GYS2: variants seen among roughly 807,000 people sequenced by gnomAD.
GYS2 encodes glycogen synthase 2, also known as glycogen [starch] synthase, liver.
In GYS2, 80 loss-of-function variants were observed where a neutral mutation model predicts 85.6. The ratio of observed to expected loss-of-function variants is 0.93; its 90% CI spans 0.78 to 1.13. GYS2 has a LOEUF of 1.13. Among genes scored for constraint, GYS2 ranks in the 50% most tolerant of loss-of-function variants. The probability of loss-of-function intolerance (pLI) is 0.00; values close to 1 mark genes in which losing one functional copy is unlikely to be tolerated. For missense variants in GYS2, 881 were observed against 854.9 expected (o/e 1.03, Z -0.38); for synonymous variants, 328 against 300.7 (o/e 1.09, Z -0.94).
At chr12:21,587,630 G>GT (rs1464219660) in intron 1 of GYS2, among the ~76,000 whole-genome samples, 7 of 151,916 alleles carry the variant, frequency 4.6e-5, no homozygotes, top group African/African-American at 7.3e-5. Context: ...ACAATTAAAC[G>GT]TTTTTTCCTT....
At chr12:21,602,955 A>G (rs2136940533) in intron 1 of GYS2, among the ~76,000 whole-genome samples, 1 of 152,186 alleles carries the variant, frequency 6.6e-6, no homozygotes, top group African/African-American at 2.4e-5. Flanking sequence ...TTCCAGTTTT[A>G]TCCACCAATA....
chr12:21,596,085 C>A (rs1436649122), intron 1 of GYS2, among the ~76,000 whole-genome samples: 2 of 151,952 alleles, frequency 1.3e-5, no homozygotes, highest in Non-Finnish European at 2.9e-5. Flanking sequence ...AGACCAATAA[C>A]AAGCAGTGAG....
chr12:21,551,260 T>G (rs945430304), intron 11 of GYS2, among the ~76,000 whole-genome samples: 7 of 150,106 alleles, frequency 4.7e-5, no homozygotes, highest in African/African-American at 1.7e-4. Flanking sequence ...AATAGACACT[T>G]TTCATGTTTA....
intron 1 of GYS2, among the ~76,000 whole-genome samples, chr12:21,592,722 T>C (rs574441082): frequency 2.6e-5 from 4 of 152,152 alleles, no homozygotes; most frequent in African/African-American, 7.2e-5. Context: ...CAGCATCAGA[T>C]AGATCATCTA....
chr12:21,604,392 A>G, intron 1 of GYS2, 80 bp downstream of exon 1: 1 of 869,138 alleles, frequency 1.2e-6, no homozygotes, highest in Non-Finnish European at 2.0e-6. Flanking sequence ...ATCACTAGAG[A>G]GTTATCTGTG....
At chr12:21,563,158 T>G (rs1254557213) in intron 6 of GYS2, 70 bp downstream of exon 6, 4 of 1,182,102 alleles carry the variant, frequency 3.4e-6, no homozygotes, top group Middle Eastern at 1.9e-4. Context: ...TTATTACAAT[T>G]CTGTTTTCTC....
intron 1 of GYS2, among the ~76,000 whole-genome samples, chr12:21,600,319 G>C (rs1056292432): frequency 6.6e-6 from 1 of 151,848 alleles, no homozygotes; most frequent in African/African-American, 2.4e-5. Flanking sequence ...GTAGAAACAG[G>C]GTCTCCCTAT....
At chr12:21,590,811 C>T (rs1944630109) in intron 1 of GYS2, among the ~76,000 whole-genome samples, 1 of 152,192 alleles carries the variant, frequency 6.6e-6, no homozygotes, top group African/African-American at 2.4e-5. Flanking sequence ...AGCACAACCT[C>T]ATCACCACCT....
In GYS2 at chr12:21,563,413, T is replaced by C. The variant is rs559550751; in HGVS notation, c.824-68A>G. ...AAGAGGGTACCATTGTAGAAAAAAGTATCTTTAAAACTATAAAGTTAGATG... is the reference window on the plus strand; with the variant it reads ...AAGAGGGTACCATTGTAGAAAAAAGCATCTTTAAAACTATAAAGTTAGATG... On this transcript the variant is annotated intron_variant, in intron 5 of 15. Transcript: ENST00000261195. 749 of 841,960 alleles carry C rather than the reference T, an allele frequency of 8.9e-4. 1 individual carries two copies. The highest frequency in any genetic ancestry group is 1.3e-3 in the Non-Finnish European group (633 of 479,616). 52.2% of individuals were successfully genotyped at this position (841,960 alleles called of 1,614,324 possible).
chr12:21,545,826 GA>G (rs1353612289), intron 12 of GYS2, among the ~76,000 whole-genome samples: 44 of 152,268 alleles, frequency 2.9e-4, no homozygotes, highest in Admixed American at 2.8e-3. Flanking sequence ...ACAAGAATGT[GA>G]AGAAGACTTT....
intron 2 of GYS2, among the ~76,000 whole-genome samples, chr12:21,577,827 C>CATATAAA (rs1944463705): frequency 6.6e-6 from 1 of 152,158 alleles, no homozygotes; most frequent in Admixed American, 6.5e-5. Flanking sequence ...CTTTTAAAGC[C>CATATAAA]TTATTCTTTA....
At chr12:21,552,881 A>C (rs1339315669) in intron 11 of GYS2, among the ~76,000 whole-genome samples, 2 of 152,172 alleles carry the variant, frequency 1.3e-5, no homozygotes, top group Non-Finnish European at 1.5e-5. Flanking sequence ...CGTCTTACCA[A>C]ATCCTGCAGG....
chr12:21,565,462 A>G (rs1944308129), intron 5 of GYS2, among the ~76,000 whole-genome samples: 1 of 136,186 alleles, frequency 7.3e-6, no homozygotes, highest in South Asian at 2.3e-4. Context: ...TATATAGGTT[A>G]TAGGTTTTAG....
At chr12:21,600,205 C>T (rs1944740302) in intron 1 of GYS2, among the ~76,000 whole-genome samples, 1 of 152,154 alleles carries the variant, frequency 6.6e-6, no homozygotes, top group Non-Finnish European at 1.5e-5. Context: ...TGAAGCCTCA[C>T]TAGAACGCCT....
chr12:21,568,128 C>T lies in GYS2; in HGVS notation c.823+737G>A, dbSNP rs542875017. Among the ~76,000 whole-genome samples, 20 of 152,100 alleles carry T rather than the reference C, an allele frequency of 1.3e-4. No individual in the cohort carries two copies. In the East Asian group the frequency reaches 3.9e-3, roughly 29 times the overall value. ...CTGTGGAGAGCCTCTAGTTCTCTCT[C>T]TCAGTCTGTTTTTGCTTCTTATAAC... On this transcript the variant is annotated intron_variant, in intron 5 of 15. Coordinates refer to ENST00000261195, the MANE Select transcript of GYS2 (RefSeq NM_021957.4).
intron 2 of GYS2, among the ~76,000 whole-genome samples, chr12:21,579,760 T>C (rs1944487774): frequency 6.6e-6 from 1 of 152,128 alleles, no homozygotes; most frequent in Non-Finnish European, 1.5e-5. Context: ...GCACATCTCC[T>C]GCCTGATTCT....
At chr12:21,559,774 G>A (rs1052738509) in intron 8 of GYS2, 64 bp from the exon 9 acceptor site, 13 of 1,006,814 alleles carry the variant, frequency 1.3e-5, no homozygotes, top group Admixed American at 1.2e-4. Flanking sequence ...TATTTGTCAC[G>A]ATAATGCTAT....
At chr12:21,592,258 A>G (rs1944648511) in intron 1 of GYS2, among the ~76,000 whole-genome samples, 1 of 152,070 alleles carries the variant, frequency 6.6e-6, no homozygotes. Context: ...ACCAGGAATC[A>G]ATTAACAAAA....
intron 5 of GYS2, among the ~76,000 whole-genome samples, chr12:21,567,688 C>G (rs1488008284): frequency 6.6e-6 from 1 of 152,094 alleles, no homozygotes. Flanking sequence ...CCTACTAATG[C>G]TGGCTTAAGT....
Sources: allele counts gnomAD v4.1 joint callset (sites outside exome capture counted in the v4.1 genomes callset), GRCh38; gene constraint gnomAD v4.1.1; transcripts MANE v1.5; gene names NCBI Gene and HGNC (gene_info 2026-07-23, HGNC 2026-07-21).